Variants in XPNPEP1 observed in about 807,000 individuals in gnomAD.
XPNPEP1 encodes X-prolyl aminopeptidase 1, also known as xaa-Pro aminopeptidase 1.
A neutral mutation model predicts 92.4 loss-of-function variants in XPNPEP1; 39 were observed. The ratio of observed to expected loss-of-function variants is 0.42; its 90% CI spans 0.33 to 0.55. The LOEUF (loss-of-function observed/expected upper bound fraction) is 0.55. Ranked by LOEUF, XPNPEP1 falls within the 20% of genes least tolerant of loss-of-function variation. The pLI is 0.08. For synonymous variants in XPNPEP1, 307 were observed against 299.4 expected, an observed-to-expected ratio of 1.03 and a Z score of -0.26; for missense variants, 654 against 856.1, an observed-to-expected ratio of 0.76 and a Z score of 2.95.
At chr10:109,915,317 G>A (rs1850124291) in intron 1 of XPNPEP1, 1 of 355,004 alleles carries the variant, frequency 2.8e-6, no homozygotes. Context: ...GCAGCTTCTA[G>A]TTCATAAATT....
intron 5 of XPNPEP1, 191 bp downstream of exon 5, chr10:109,891,531 C>A (rs1378638973): frequency 1.4e-5 from 6 of 444,092 alleles, no homozygotes; most frequent in Non-Finnish European, 2.4e-5. Flanking sequence ...CCTGAACCAG[C>A]GTCCTCCAAA....
In XPNPEP1 at chr10:109,865,101, G is replaced by A. The variant is rs191922525; in HGVS notation, c.*83C>T. 9.9e-4 allele frequency: 1,560 copies of A among 1,583,666 alleles called. 13 individuals carry two copies. Among genetic ancestry groups the A allele is most frequent in the East Asian group, 8.1e-3 (362 of 44,440 alleles). ...AAGGGGAGGTAGGGAAGAAGGAAAG[G>A]AAAGGGGAAAGATGTCAGGGATCTG... On this transcript the variant is annotated 3_prime_UTR_variant, in exon 21 of 21. Transcript: ENST00000502935.
At chr10:109,871,983 G>A (rs1290182299) in intron 16 of XPNPEP1, 122 bp from the exon 17 acceptor site, 12 of 971,272 alleles carry the variant, frequency 1.2e-5, no homozygotes, top group South Asian at 3.7e-5. Flanking sequence ...GAAAATGTAA[G>A]TAAAAAGAAA....
At chr10:109,869,290 C>G (rs1847313369) in intron 19 of XPNPEP1, among the ~76,000 whole-genome samples, 1 of 152,226 alleles carries the variant, frequency 6.6e-6, no homozygotes, top group African/African-American at 2.4e-5. Context: ...CTTGTAGACA[C>G]AGGAAGCTAC....
intron 9 of XPNPEP1, among the ~76,000 whole-genome samples, chr10:109,883,587 TAATA>T (rs1848228075): frequency 6.6e-6 from 1 of 152,150 alleles, no homozygotes; most frequent in Non-Finnish European, 1.5e-5. Context: ...CACCAGCACT[TAATA>T]AATGTGTTGT....
intron 15 of XPNPEP1, 37 bp from the exon 16 acceptor site, chr10:109,873,464 A>G (rs758974853): frequency 4.5e-5 from 73 of 1,613,940 alleles, no homozygotes; most frequent in Non-Finnish European, 6.2e-5. Flanking sequence ...TCCCGTCAAA[A>G]TAAGCTTTAA....
intron 1 of XPNPEP1, among the ~76,000 whole-genome samples, chr10:109,916,521 G>A (rs1850201074): frequency 6.6e-6 from 1 of 152,228 alleles, no homozygotes; most frequent in African/African-American, 2.4e-5. Flanking sequence ...GGTAAAGACA[G>A]AGAGGGACAC....
At chr10:109,870,634 C>A in intron 18 of XPNPEP1, 97 bp downstream of exon 18, 4 of 1,448,710 alleles carry the variant, frequency 2.8e-6, no homozygotes, top group Non-Finnish European at 3.7e-6. Flanking sequence ...AAAAGTATTG[C>A]CAATTTACTT....
intron 3 of XPNPEP1, among the ~76,000 whole-genome samples, chr10:109,900,778 G>A (rs2133488875): frequency 6.6e-6 from 1 of 152,210 alleles, no homozygotes; most frequent in East Asian, 1.9e-4. Flanking sequence ...GATTCTGGTG[G>A]TCAAGGACAA....
chr10:109,901,177 G>A (rs770144754), intron 3 of XPNPEP1, among the ~76,000 whole-genome samples: 2 of 147,172 alleles, frequency 1.4e-5, no homozygotes, highest in Non-Finnish European at 3.0e-5. Context: ...GCAAACTATC[G>A]CAAGGACAGA....
chr10:109,914,665 G>A (rs993549292), intron 2 of XPNPEP1, among the ~76,000 whole-genome samples: 7 of 151,840 alleles, frequency 4.6e-5, no homozygotes, highest in Non-Finnish European at 8.8e-5. Context: ...GCGTGGTGTC[G>A]GGCGCCTGTA....
intron 1 of XPNPEP1, among the ~76,000 whole-genome samples, chr10:109,922,066 G>C (rs965907977): frequency 6.6e-6 from 1 of 152,172 alleles, no homozygotes; most frequent in African/African-American, 2.4e-5. Flanking sequence ...AGCCACACTA[G>C]AAGCCAGCTC....
At chr10:109,873,333 A>G in intron 16 of XPNPEP1, 34 bp downstream of exon 16, 1 of 1,612,632 alleles carries the variant, frequency 6.2e-7, no homozygotes. Flanking sequence ...AAGAAAGCAG[A>G]GAGGACCTCT....
Position 109,893,064 on chromosome 10 carries a change from A to G in XPNPEP1, c.258T>C (p.Ile86=). 1.2e-6 allele frequency: 2 copies of G among 1,613,726 alleles called. No homozygotes were observed. Among genetic ancestry groups the G allele is most frequent in the Non-Finnish European group, 1.7e-6 (2 of 1,179,836 alleles). The stretch of plus-strand genomic sequence containing the variant: ...AAGCCCGCCGACAGTCACATGGAGC[A>G]ATATACTCACTCTGGAAAACAAAGA... The part of the protein sequence containing the change: ...PSGDAHQSEY[I]APCDCRRAFV... The change falls in exon 4 of 21, where the codon ATT becomes ATC. Residue 86 remains isoleucine, a synonymous_variant. Transcript: ENST00000502935.
chr10:109,915,753 G>A (rs1193613435), intron 1 of XPNPEP1, among the ~76,000 whole-genome samples: 1 of 152,250 alleles, frequency 6.6e-6, no homozygotes, highest in Non-Finnish European at 1.5e-5. Context: ...CAAACTTCTT[G>A]TTCCCATATG....
At chr10:109,878,572 T>G (rs1186508958) in intron 12 of XPNPEP1, among the ~76,000 whole-genome samples, 1 of 152,164 alleles carries the variant, frequency 6.6e-6, no homozygotes, top group Non-Finnish European at 1.5e-5. Context: ...ACTATGATTC[T>G]AAGAGAATAA....
chr10:109,894,456 G>A (rs1351337424), intron 3 of XPNPEP1, among the ~76,000 whole-genome samples: 6 of 151,756 alleles, frequency 4.0e-5, no homozygotes, highest in South Asian at 2.1e-4. Context: ...ATCTGAGCCC[G>A]GGAGGTTGAG....
intron 1 of XPNPEP1, chr10:109,923,197 C>A (rs1242983077): frequency 1.0e-6 from 1 of 985,222 alleles, no homozygotes; most frequent in African/African-American, 1.7e-5. Context: ...CACCGACCCT[C>A]CGGAAACGAA....
rs1847208965 is a variant in XPNPEP1 at position 109,867,566 on chromosome 10, G to A, written c.1872+1048C>T. Among the ~76,000 whole-genome samples the A allele has an allele frequency of 6.6e-6, 1 of 152,204 alleles. No homozygotes were observed. ...ACAGGCAGAAGAGGCTTCTAGCTGG[G>A]AGAATCCCATTCCACAGCTCCTGTG... On this transcript the variant is annotated intron_variant, in intron 20 of 20. Coordinates refer to ENST00000502935, the MANE Select transcript of XPNPEP1 (RefSeq NM_020383.4). This position sits in a 1 kb window ranked among gnomAD's most constrained non-coding sequence, Gnocchi z 4.5.
Sources: gnomAD v4.1 joint callset for allele counts (sites outside exome capture counted in the v4.1 genomes callset) on GRCh38, gnomAD v4.1.1 for gene constraint, Gnocchi (gnomAD v3.1) non-coding constraint, MANE v1.5 for transcripts, NCBI Gene and HGNC (gene_info 2026-07-23, HGNC 2026-07-21) for gene names.